REDIC1: variants seen among roughly 807,000 people sequenced by gnomAD.
REDIC1 encodes HEI10 Interacting Protein 1.
At chr12:39,774,740 C>A in the REDIC1 span, among the ~76,000 whole-genome samples, 147,980 of 152,244 alleles carry the variant, frequency 0.97, 71,919 homozygotes, top group East Asian at 1. Context: ...TTTCAAAAGC[C>A]TTAGAAATTT....
chr12:39,861,896 G>A, the REDIC1 span, among the ~76,000 whole-genome samples: 2 of 152,000 alleles, frequency 1.3e-5, no homozygotes, highest in Non-Finnish European at 2.9e-5. Context: ...TAAGTTCCAG[G>A]ATACATGTGC....
the REDIC1 span, among the ~76,000 whole-genome samples, chr12:39,794,181 A>G: frequency 5.3e-5 from 8 of 151,066 alleles, no homozygotes; most frequent in African/African-American, 1.9e-4. Context: ...GCAAAATTGC[A>G]AGAGTTGCCT....
chr12:39,902,710 C>A, the REDIC1 span, among the ~76,000 whole-genome samples: 11 of 151,828 alleles, frequency 7.2e-5, no homozygotes, highest in African/African-American at 1.9e-4. Flanking sequence ...AAATGCGTCA[C>A]CTTCATTTAC....
the REDIC1 span, among the ~76,000 whole-genome samples, chr12:39,694,696 G>T: frequency 2.6e-5 from 4 of 152,140 alleles, no homozygotes; most frequent in Non-Finnish European, 5.9e-5. Context: ...TCCTAGGTGA[G>T]TCCTAGTGCT....
chr12:39,701,547 A>G, the REDIC1 span, among the ~76,000 whole-genome samples: 1 of 152,104 alleles, frequency 6.6e-6, no homozygotes, highest in African/African-American at 2.4e-5. Context: ...GAAGGTCAGC[A>G]AGGATACCCA....
At chr12:39,713,026 TGTATATGTATATATACATGTGTATATAC>T in the REDIC1 span, among the ~76,000 whole-genome samples, 3 of 143,196 alleles carry the variant, frequency 2.1e-5, no homozygotes, top group African/African-American at 5.2e-5. Context: ...TGTATATACG[TGTATATGTATATATACATGTGTATATAC>T]GTGTATATGT....
the REDIC1 span, among the ~76,000 whole-genome samples, chr12:39,712,360 A>G: frequency 7.1e-6 from 1 of 139,896 alleles, no homozygotes; most frequent in Non-Finnish European, 1.6e-5. Flanking sequence ...ATACATACAT[A>G]CATACATATG....
chr12:39,653,533 C>T, the REDIC1 span, among the ~76,000 whole-genome samples: 2 of 56,014 alleles, frequency 3.6e-5, no homozygotes, highest in Non-Finnish European at 8.9e-5. Context: ...TCTTCTTCTT[C>T]TTCTTTTTCT....
At chr12:39,686,198 A>T in the REDIC1 span, among the ~76,000 whole-genome samples, 1 of 151,060 alleles carries the variant, frequency 6.6e-6, no homozygotes, top group Non-Finnish European at 1.5e-5. Flanking sequence ...CCCATTGGAG[A>T]CTCTCTGTGG....
At chr12:39,902,280 T>A in the REDIC1 span, among the ~76,000 whole-genome samples, 2 of 151,788 alleles carry the variant, frequency 1.3e-5, no homozygotes, top group East Asian at 1.9e-4. Flanking sequence ...GCATGGCACA[T>A]GTATACATAT....
At chr12:39,679,010 T>C in the REDIC1 span, among the ~76,000 whole-genome samples, 8 of 152,118 alleles carry the variant, frequency 5.3e-5, no homozygotes, top group Admixed American at 4.6e-4. Context: ...TGGGGGAAAG[T>C]TGAAAGCATT....
chr12:39,843,712 G>A, the REDIC1 span, among the ~76,000 whole-genome samples: 1 of 152,066 alleles, frequency 6.6e-6, no homozygotes, highest in African/African-American at 2.4e-5. Context: ...GAAGTGAGAG[G>A]TGGCATCCCA....
the REDIC1 span, among the ~76,000 whole-genome samples, chr12:39,789,699 C>G: frequency 1.3e-5 from 2 of 152,120 alleles, no homozygotes; most frequent in Non-Finnish European, 2.9e-5. Context: ...ATACTACAAC[C>G]TAGCCAACAT....
the REDIC1 span, among the ~76,000 whole-genome samples, chr12:39,718,657 T>C: frequency 6.6e-6 from 1 of 151,948 alleles, no homozygotes; most frequent in Non-Finnish European, 1.5e-5. Flanking sequence ...CTAATAAATA[T>C]CCTATGTGAC....
chr12:39,752,349 G>A, the REDIC1 span, among the ~76,000 whole-genome samples: 1 of 152,120 alleles, frequency 6.6e-6, no homozygotes, highest in African/African-American at 2.4e-5. Flanking sequence ...AGGTTGTGCA[G>A]TCCTTATGAG....
the REDIC1 span, among the ~76,000 whole-genome samples, chr12:39,876,045 C>T: frequency 6.6e-6 from 1 of 152,174 alleles, no homozygotes; most frequent in Non-Finnish European, 1.5e-5. Flanking sequence ...CTTTCAAAGT[C>T]ATTTTATAAT....
the REDIC1 span, among the ~76,000 whole-genome samples, chr12:39,707,671 A>G: frequency 3.1e-4 from 47 of 151,998 alleles, 1 homozygote; most frequent in South Asian, 9.5e-3. Context: ...CTAATAATCT[A>G]TACATAATCT....
the REDIC1 span, among the ~76,000 whole-genome samples, chr12:39,668,447 G>T: frequency 6.6e-6 from 1 of 152,230 alleles, no homozygotes; most frequent in Non-Finnish European, 1.5e-5. Flanking sequence ...CTCTTAGTCT[G>T]ATGGGCTTCC....
chr12:39,833,676 A>ATAC, the REDIC1 span, among the ~76,000 whole-genome samples: 1 of 152,094 alleles, frequency 6.6e-6, no homozygotes, highest in African/African-American at 2.4e-5. Context: ...CCTTGGCTGG[A>ATAC]TACTCACTGT....
Sources: gnomAD v4.1 joint callset for allele counts (sites outside exome capture counted in the v4.1 genomes callset) on GRCh38, gnomAD v4.1.1 for gene constraint, MANE v1.5 for transcripts, NCBI Gene and HGNC (gene_info 2026-07-23, HGNC 2026-07-21) for gene names.